The following SNX25 variants were observed in gnomAD, a reference collection of about 807,000 sequenced individuals.
The protein encoded by SNX25 is sorting nexin-25.
SNX25 carries 62 observed loss-of-function variants against 113.7 expected under a neutral mutation model. The observed-to-expected ratio is 0.55, with a 90% CI of 0.44 to 0.67. SNX25 has a LOEUF of 0.67. SNX25 is among the 30% of genes least tolerant of loss of function. SNX25 has a pLI of 0.00. For missense variants in SNX25, 1,014 were observed against 1,161.0 expected, an observed-to-expected ratio of 0.87 and a Z score of 1.84; for synonymous variants, 421 against 436.2, an observed-to-expected ratio of 0.97 and a Z score of 0.43.
chr4:185,346,721 C>A, intron 13 of SNX25, 71 bp downstream of exon 13: 1 of 979,408 alleles, frequency 1.0e-6, no homozygotes, highest in African/African-American at 1.7e-5. Flanking sequence ...CATCATTCTA[C>A]GAGCTTGGTA....
chr4:185,230,207 A>G (rs1334865008), intron 1 of SNX25, among the ~76,000 whole-genome samples: 1 of 152,220 alleles, frequency 6.6e-6, no homozygotes, highest in East Asian at 1.9e-4. Context: ...TGGCTTGTTA[A>G]TACCATTGTG....
At chr4:185,213,170 A>G (rs1412596308) in intron 1 of SNX25, among the ~76,000 whole-genome samples, 1 of 152,174 alleles carries the variant, frequency 6.6e-6, no homozygotes, top group Non-Finnish European at 1.5e-5. Context: ...TATCACTTAC[A>G]CCTAGCAGGA....
chr4:185,354,254 T>C (rs1182144283), intron 15 of SNX25, among the ~76,000 whole-genome samples: 1 of 152,196 alleles, frequency 6.6e-6, no homozygotes, highest in Non-Finnish European at 1.5e-5. Flanking sequence ...AAAACTGTTT[T>C]GCTTAGCACA....
chr4:185,247,439 A>T, intron 2 of SNX25, 61 bp downstream of exon 2: 1 of 1,210,984 alleles, frequency 8.3e-7, no homozygotes, highest in Non-Finnish European at 1.2e-6. Flanking sequence ...TTCTAAGAGG[A>T]AAATAATAAT....
At position 185,362,642 on chromosome 4, in the gene SNX25, T is replaced by TG; in HGVS notation, c.2866dup (p.Ala956GlyfsTer32). ...TTCAGAGCCTTGTTGGACAGCAAAA[T>TG]GCCCGCCACGGTATAATAAAAATAT... On this transcript the variant is annotated frameshift_variant, in exon 18 of 19. Coordinates refer to ENST00000652585, the MANE Select transcript of SNX25 (RefSeq NM_001378034.2). LOFTEE classifies it high-confidence loss of function. 2 of 1,614,066 alleles carry TG rather than the reference T, an allele frequency of 1.2e-6. No individual in the cohort carries two copies. Among genetic ancestry groups the TG allele is most frequent in the Non-Finnish European group, 1.7e-6 (2 of 1,180,010 alleles).
At chr4:185,264,654 A>G (rs756807155) in intron 4 of SNX25, 44 bp downstream of exon 4, 7 of 1,586,058 alleles carry the variant, frequency 4.4e-6, no homozygotes, top group Non-Finnish European at 6.1e-6. Flanking sequence ...AAGTGTGCAA[A>G]CTAATGTGCT....
At chr4:185,367,234 C>A, downstream of SNX25, 3 of 1,611,138 alleles carry the variant, frequency 1.9e-6, no homozygotes, top group Non-Finnish European at 2.5e-6. Context: ...ATGCGGGATT[C>A]AGACGACAAG....
upstream of SNX25, among the ~76,000 whole-genome samples, chr4:185,204,853 C>A (rs1446533519): frequency 3.3e-5 from 5 of 152,180 alleles, no homozygotes; most frequent in East Asian, 3.8e-4. Context: ...TCTCCTGAAA[C>A]CTCAGGAAGG....
intron 7 of SNX25, among the ~76,000 whole-genome samples, chr4:185,315,722 C>T (rs1164118917): frequency 6.6e-6 from 1 of 151,808 alleles, no homozygotes; most frequent in Non-Finnish European, 1.5e-5. Context: ...TAATACCAAA[C>T]CAGAGGAAAA....
intron 3 of SNX25, among the ~76,000 whole-genome samples, chr4:185,264,136 A>T (rs1041067665): frequency 3.9e-5 from 6 of 152,192 alleles, no homozygotes; most frequent in African/African-American, 7.2e-5. Context: ...AGACTTAAAA[A>T]TTACTAAATA....
upstream of SNX25, among the ~76,000 whole-genome samples, chr4:185,208,738 A>T (rs1423335432): frequency 8.3e-6 from 1 of 120,882 alleles, no homozygotes; most frequent in East Asian, 1.9e-4. Flanking sequence ...AAAAAGAAAA[A>T]AAGAAAGAAA....
downstream of SNX25, chr4:185,374,237 C>T (rs1561079645): frequency 6.2e-7 from 1 of 1,614,174 alleles, no homozygotes; most frequent in East Asian, 2.2e-5. Flanking sequence ...CGATAAGCCA[C>T]AGTCTACAAG....
At chr4:185,336,112 T>C (rs1416291854) in intron 10 of SNX25, among the ~76,000 whole-genome samples, 1 of 152,236 alleles carries the variant, frequency 6.6e-6, no homozygotes, top group East Asian at 1.9e-4. Flanking sequence ...ATATTATTTA[T>C]TTTTGTAAAT....
intron 7 of SNX25, among the ~76,000 whole-genome samples, chr4:185,315,974 T>G (rs1174972857): frequency 2.6e-5 from 4 of 152,210 alleles, no homozygotes; most frequent in Non-Finnish European, 5.9e-5. Flanking sequence ...AATATACTGC[T>G]CATATTTAAA....
At chr4:185,260,129 C>CT (rs35395652) in intron 3 of SNX25, among the ~76,000 whole-genome samples, 6 of 152,084 alleles carry the variant, frequency 3.9e-5, no homozygotes, top group East Asian at 1.9e-4. Context: ...AACTTTGACA[C>CT]TTTTTTTAAC....
intron 7 of SNX25, among the ~76,000 whole-genome samples, chr4:185,315,379 C>T (rs1579753842): frequency 1.3e-5 from 2 of 150,308 alleles, no homozygotes; most frequent in African/African-American, 4.9e-5. Context: ...CTGCACCCTC[C>T]GCCTCCCAGA....
chr4:185,317,842 C>T (rs1402907852), intron 7 of SNX25, among the ~76,000 whole-genome samples: 2 of 151,958 alleles, frequency 1.3e-5, no homozygotes, highest in African/African-American at 4.8e-5. Flanking sequence ...GCATGTGGGG[C>T]TTAAAACCTA....
At chr4:185,204,314 C>G (rs1032369866) in exon 1 of SNX25, 1 of 152,212 alleles carries the variant, frequency 6.6e-6, no homozygotes, top group African/African-American at 2.4e-5. Flanking sequence ...CCTTGATTAT[C>G]TTGTAATTCT....
chr4:185,211,643 G>A (rs540990733), intron 1 of SNX25, among the ~76,000 whole-genome samples: 2 of 152,256 alleles, frequency 1.3e-5, no homozygotes, highest in East Asian at 3.9e-4. Context: ...TGAATCAACA[G>A]GACACATAAA....
Sources: gnomAD v4.1 joint callset for allele counts (sites outside exome capture counted in the v4.1 genomes callset) on GRCh38, gnomAD v4.1.1 for gene constraint, MANE v1.5 for transcripts, NCBI Gene and HGNC (gene_info 2026-07-23, HGNC 2026-07-21) for gene names.